Variants in UNC80 observed in about 807,000 individuals in gnomAD.
UNC80 encodes protein unc-80 homolog.
A neutral mutation model predicts 384.6 loss-of-function variants in UNC80; 164 were observed. That is an observed-to-expected ratio of 0.43 (90% CI 0.38 to 0.49). The LOEUF (loss-of-function observed/expected upper bound fraction) is 0.49, where lower values mean the gene tolerates loss of function less well. Among genes scored for constraint, UNC80 ranks in the 20% least tolerant of loss-of-function variants. UNC80 has a pLI of 0.00. For synonymous variants in UNC80, 1,486 were observed against 1,527.8 expected, an observed-to-expected ratio of 0.97 and a Z score of 0.64; for missense variants, 3,330 against 4,143.0, an observed-to-expected ratio of 0.80 and a Z score of 5.39.
chr2:209,891,494 A>G (rs911576884), intron 26 of UNC80, among the ~76,000 whole-genome samples: 10 of 152,142 alleles, frequency 6.6e-5, no homozygotes, highest in Non-Finnish European at 1.5e-4. Flanking sequence ...AAGATAGTAG[A>G]TAATTCCTAA....
At chr2:209,882,566 A>G (rs1038306351) in intron 25 of UNC80, among the ~76,000 whole-genome samples, 5 of 152,186 alleles carry the variant, frequency 3.3e-5, no homozygotes, top group Non-Finnish European at 5.9e-5. Context: ...TACTGCCCTT[A>G]TGTAATTTCA....
intron 36 of UNC80, among the ~76,000 whole-genome samples, chr2:209,928,249 T>G (rs2090586763): frequency 6.6e-6 from 1 of 152,036 alleles, no homozygotes; most frequent in African/African-American, 2.4e-5. Context: ...GGCAGGAGAA[T>G]TGCTTGAACC....
intron 7 of UNC80, among the ~76,000 whole-genome samples, chr2:209,803,198 T>G (rs1050297047): frequency 4.6e-5 from 7 of 152,210 alleles, no homozygotes; most frequent in Non-Finnish European, 7.3e-5. Flanking sequence ...AGTTCCTGCC[T>G]GCACTCAAGA....
At chr2:209,968,924 C>G (rs1352418245) in intron 52 of UNC80, 3 of 152,166 alleles carry the variant, frequency 2.0e-5, no homozygotes, top group Admixed American at 6.5e-5. Flanking sequence ...CAGTTCAACA[C>G]AAGAAATGTT....
chr2:209,831,152 A>G (rs939913161), intron 15 of UNC80, among the ~76,000 whole-genome samples: 1 of 151,800 alleles, frequency 6.6e-6, no homozygotes, highest in African/African-American at 2.4e-5. Flanking sequence ...CTCTAAGCCT[A>G]AAAATCTTTC....
intron 51 of UNC80, among the ~76,000 whole-genome samples, chr2:209,965,102 G>A (rs1426184894): frequency 6.6e-6 from 1 of 151,990 alleles, no homozygotes; most frequent in Non-Finnish European, 1.5e-5. Context: ...ATAGTCTAGG[G>A]TAGGGAAAAG....
intron 46 of UNC80, 119 bp from the exon 47 acceptor site, chr2:209,945,728 A>C (rs2091885860): frequency 1.6e-6 from 1 of 624,636 alleles, no homozygotes; most frequent in Non-Finnish European, 2.7e-6. Flanking sequence ...CGTAGGAATA[A>C]AATTTAACAA....
chr2:209,902,892 T>A lies in UNC80; in HGVS notation c.4582-1873T>A, dbSNP rs980614423. On this transcript the variant is annotated intron_variant, in intron 28 of 64. Coordinates refer to ENST00000673920, the MANE Select transcript of UNC80 (RefSeq NM_001371986.1). ...CTGAACTCTCAATATCTCCAAGGTATGCCTGTATACACGTGTGTGTGTGTG... is the reference window on the plus strand; with the variant it reads ...CTGAACTCTCAATATCTCCAAGGTAAGCCTGTATACACGTGTGTGTGTGTG... 6.5e-4 allele frequency among the ~76,000 whole-genome samples: 95 copies of A among 145,880 alleles called. 1 individual carries two copies. The highest frequency in any genetic ancestry group is 1.2e-4 in the Non-Finnish European group (8 of 67,158).
In UNC80 at chr2:209,849,042, C is replaced by G. The variant is rs573665224; in HGVS notation, c.3455-409C>G. Among the ~76,000 whole-genome samples the G allele has an allele frequency of 3.9e-5, 6 of 152,204 alleles. No homozygotes were observed. The South Asian group carries it at 1.2e-3, about 32-fold the overall frequency. On this transcript the variant is annotated intron_variant, in intron 21 of 64. Coordinates refer to ENST00000673920, the MANE Select transcript of UNC80 (RefSeq NM_001371986.1). ...CTGTACCCAATGTACACATTATACACAATGCTGTACCAATGCTGTATCAAT... is the reference window on the plus strand; with the variant it reads ...CTGTACCCAATGTACACATTATACAGAATGCTGTACCAATGCTGTATCAAT...
chr2:209,817,565 C>A (rs2079830724), intron 10 of UNC80, among the ~76,000 whole-genome samples: 2 of 151,920 alleles, frequency 1.3e-5, no homozygotes, highest in African/African-American at 4.8e-5. Flanking sequence ...TGACAGCTAG[C>A]TGGGCCACAA....
intron 63 of UNC80, 107 bp from the exon 64 acceptor site, chr2:209,993,958 T>G: frequency 9.9e-7 from 1 of 1,010,912 alleles, no homozygotes; most frequent in South Asian, 1.9e-5. Flanking sequence ...AGCAATGTTT[T>G]TATTTTAAAA....
At chr2:209,808,692 T>G (rs2079085851) in intron 7 of UNC80, 1 of 99,908 alleles carries the variant, frequency 1.0e-5, no homozygotes, top group Non-Finnish European at 2.2e-5. Flanking sequence ...TCCCCTGGAG[T>G]ACTTAAGGGA....
Position 209,773,157 on chromosome 2 carries a change from C to A in UNC80, c.141+15C>A. On this transcript the variant is annotated intron_variant, in intron 2 of 64. Transcript: ENST00000673920. Reference sequence around the variant, plus strand: ...CTTCTTGTGTGGTATGTGATTTTCACCATTTAATAATTATTTCCCTATTCT... The same window carrying A: ...CTTCTTGTGTGGTATGTGATTTTCAACATTTAATAATTATTTCCCTATTCT... 1 of 1,610,806 alleles carries A rather than the reference C, an allele frequency of 6.2e-7. No homozygotes were observed. Among genetic ancestry groups the A allele is most frequent in the Non-Finnish European group, 8.5e-7 (1 of 1,177,570 alleles).
intron 39 of UNC80, among the ~76,000 whole-genome samples, chr2:209,935,390 G>A (rs941568020): frequency 6.6e-6 from 1 of 152,132 alleles, no homozygotes; most frequent in Admixed American, 6.6e-5. Context: ...GGGAGGCCGA[G>A]GCAGGTGGAT....
At chr2:209,939,103 A>G (rs2091451517) in intron 42 of UNC80, among the ~76,000 whole-genome samples, 1 of 152,132 alleles carries the variant, frequency 6.6e-6, no homozygotes, top group Non-Finnish European at 1.5e-5. Context: ...CATTGGTGGC[A>G]ATGGAACTGA....
At chr2:209,930,861 A>G (rs1042379019) in intron 37 of UNC80, 107 bp from the exon 38 acceptor site, 1 of 686,638 alleles carries the variant, frequency 1.5e-6, no homozygotes. Context: ...ATATGTGGGC[A>G]AAAGTAAAAA....
At chr2:209,777,646 A>T (rs1384522267) in intron 4 of UNC80, 87 bp downstream of exon 4, 2 of 1,384,066 alleles carry the variant, frequency 1.4e-6, no homozygotes, top group Non-Finnish European at 2.0e-6. Context: ...TTGGTTGGGC[A>T]TGTCTTTGTA....
chr2:209,915,558 T>C (rs1375263754), intron 31 of UNC80, among the ~76,000 whole-genome samples: 1 of 152,156 alleles, frequency 6.6e-6, no homozygotes, highest in Non-Finnish European at 1.5e-5. Flanking sequence ...GGGACTCAGC[T>C]TGTAACCGAC....
chr2:209,939,753 A>G, intron 43 of UNC80, 101 bp downstream of exon 43: 2 of 1,136,964 alleles, frequency 1.8e-6, no homozygotes, highest in East Asian at 5.3e-5. Context: ...TTTAGGGTAC[A>G]TGTGCTCAAC....
Sources: gnomAD v4.1 joint callset for allele counts (sites outside exome capture counted in the v4.1 genomes callset) on GRCh38, gnomAD v4.1.1 for gene constraint, MANE v1.5 for transcripts, NCBI Gene and HGNC (gene_info 2026-07-23, HGNC 2026-07-21) for gene names.